ITGA11: variants seen among roughly 807,000 people sequenced by gnomAD.
ITGA11 encodes integrin subunit alpha 11.
ITGA11 carries 97 observed loss-of-function variants against 141.9 expected under a neutral mutation model. The observed-to-expected ratio is 0.68, with a 90% CI of 0.58 to 0.81. The LOEUF is 0.81. ITGA11 is among the 30% of genes least tolerant of loss of function. The pLI is 0.00. For synonymous variants in ITGA11, 658 were observed against 624.6 expected (o/e 1.05, Z -0.80); for missense variants, 1,387 against 1,559.2 (o/e 0.89, Z 1.86).
chr15:68,298,540 C>T lies in ITGA11; in HGVS notation c.*4519G>A, dbSNP rs575860884. On this transcript the variant is annotated 3_prime_UTR_variant, in exon 30 of 30. Coordinates refer to ENST00000315757, the MANE Select transcript of ITGA11 (RefSeq NM_001004439.2). ...ACTCAAGAGGCTGAGGTGGGAGGATCACTGAAGTCCAGGAGGTCGAGGCTG... is the reference window on the plus strand; with the variant it reads ...ACTCAAGAGGCTGAGGTGGGAGGATTACTGAAGTCCAGGAGGTCGAGGCTG... The T allele has an allele frequency of 3.9e-5, 6 of 152,214 alleles. No homozygotes were observed. The highest frequency in any genetic ancestry group is 1.4e-4 in the African/African-American group (6 of 41,514). The allele number at this position is 152,214 out of a possible 1,614,324, so 9.4% of individuals were successfully genotyped here.
Position 68,364,649 on chromosome 15 carries a change from C to T in ITGA11, c.357+58G>A. The T allele has an allele frequency of 5.1e-6, 5 of 981,990 alleles. No individual in the cohort carries two copies. In the South Asian group the frequency reaches 6.7e-5, roughly 13 times the overall value. 60.8% of individuals were successfully genotyped at this position (981,990 alleles called of 1,614,324 possible). A position where few individuals can be genotyped will look rare whatever the true frequency, so the allele number is the denominator to read the frequency against. On this transcript the variant is annotated intron_variant, in intron 4 of 29. Transcript: ENST00000315757. ...GAGGGTGTGTAAGGAGACGCTCCAC[C>T]CCTCCCCACCCCCACCCCTGCCTCT...
chr15:68,304,745 C>G lies in ITGA11; in HGVS notation c.3382-860G>C, dbSNP rs1314824850. 1.3e-5 allele frequency among the ~76,000 whole-genome samples: 2 copies of G among 152,224 alleles called. No homozygotes were observed. Among genetic ancestry groups the G allele is most frequent in the African/African-American group, 4.8e-5 (2 of 41,456 alleles). ...TCTTTCCAGCTCTTTCTCACCTAAG[C>G]AAATGGCAGCACTATCCCTCCGCGC... On this transcript the variant is annotated intron_variant, in intron 28 of 29. Transcript: ENST00000315757. This position sits in a 1 kb window ranked among gnomAD's most constrained non-coding sequence, Gnocchi z 6.1.
intron 15 of ITGA11, among the ~76,000 whole-genome samples, chr15:68,329,846 G>T (rs1894098145): frequency 6.6e-6 from 1 of 152,216 alleles, no homozygotes; most frequent in South Asian, 2.1e-4. Context: ...TAGCTGGGCT[G>T]CACACGCACA....
intron 2 of ITGA11, among the ~76,000 whole-genome samples, chr15:68,396,073 T>C (rs936627674): frequency 3.9e-5 from 6 of 151,970 alleles, no homozygotes; most frequent in African/African-American, 1.4e-4. Context: ...AAAAACTTGA[T>C]AAGGGTATTT....
At position 68,321,400 on chromosome 15, in the gene ITGA11, T is replaced by G; in HGVS notation, c.2408+18A>C. ...GAAGGGGAAGGGGCGAGGGTGGGGGTGGAAGGAGCCAACTCACATGGCCGT... is the reference window on the plus strand; with the variant it reads ...GAAGGGGAAGGGGCGAGGGTGGGGGGGGAAGGAGCCAACTCACATGGCCGT... On this transcript the variant is annotated intron_variant, in intron 19 of 29. Coordinates refer to ENST00000315757, the MANE Select transcript of ITGA11 (RefSeq NM_001004439.2). The surrounding 1 kb of genome is among the most constrained non-coding windows in gnomAD (Gnocchi z 4.9). 1 of 1,523,492 alleles carries G rather than the reference T, an allele frequency of 6.6e-7. No individual in the cohort carries two copies. Among genetic ancestry groups the G allele is most frequent in the South Asian group, 1.2e-5 (1 of 81,020 alleles). 94.4% of individuals were successfully genotyped at this position (1,523,492 alleles called of 1,614,324 possible). A position where few individuals can be genotyped will look rare whatever the true frequency, so the allele number is the denominator to read the frequency against.
chr15:68,368,159 G>A (rs79939978), intron 3 of ITGA11, among the ~76,000 whole-genome samples: 1,839 of 152,126 alleles, frequency 0.012, 28 homozygotes, highest in African/African-American at 0.036. Flanking sequence ...TGCCATTCCC[G>A]CCCAGTGAGA....
At chr15:68,365,698 CTTTTCTT>C (rs141063798) in intron 3 of ITGA11, among the ~76,000 whole-genome samples, 33,285 of 151,276 alleles carry the variant, frequency 0.22, 3,908 homozygotes, top group Non-Finnish European at 0.26. Flanking sequence ...TTTCTTTTCT[CTTTTCTT>C]TTTTTTTAAT....
chr15:68,301,600 G>A lies in ITGA11; in HGVS notation c.*1459C>T, dbSNP rs796945267. 3.3e-4 allele frequency: 51 copies of A among 152,330 alleles called. No homozygotes were observed. Among genetic ancestry groups the A allele is most frequent in the African/African-American group, 1.2e-3 (48 of 41,548 alleles). 9.4% of individuals were successfully genotyped at this position (152,330 alleles called of 1,614,324 possible). On this transcript the variant is annotated 3_prime_UTR_variant, in exon 30 of 30. Transcript: ENST00000315757. The surrounding 1 kb of genome is among the most constrained non-coding windows in gnomAD (Gnocchi z 4.4). Reference sequence around the variant, plus strand: ...AGTCCCTTCTGACATGTAGAGGTAGGGGGGAGGAAGCAAGGAACTCCCTCA... The same window carrying A: ...AGTCCCTTCTGACATGTAGAGGTAGAGGGGAGGAAGCAAGGAACTCCCTCA...
chr15:68,350,328 G>A (rs955437703), intron 9 of ITGA11, among the ~76,000 whole-genome samples: 2 of 151,932 alleles, frequency 1.3e-5, no homozygotes. Flanking sequence ...AGGACTACAG[G>A]CATGTACCAC....
At position 68,303,684 on chromosome 15, in the gene ITGA11, C is replaced by T. The variant is rs966201501; in HGVS notation, c.3495+88G>A. The T allele has an allele frequency of 2.6e-5, 22 of 857,774 alleles. No individual in the cohort carries two copies. Among genetic ancestry groups the T allele is most frequent in the Middle Eastern group, 3.6e-4 (1 of 2,770 alleles). The allele number at this position is 857,774 out of a possible 1,614,324, so 53.1% of individuals were successfully genotyped here. A position where few individuals can be genotyped will look rare whatever the true frequency, so the allele number is the denominator to read the frequency against. ...GTGCCAGCTCCCCTGGAGAGGAGAA[C>T]GTGGCAGCGGCCACGAAGTTCCAGG... On this transcript the variant is annotated intron_variant, in intron 29 of 29. Coordinates refer to ENST00000315757, the MANE Select transcript of ITGA11 (RefSeq NM_001004439.2). The surrounding 1 kb of genome is among the most constrained non-coding windows in gnomAD (Gnocchi z 5.3).
intron 21 of ITGA11, 59 bp downstream of exon 21, chr15:68,317,206 A>C: frequency 2.5e-5 from 32 of 1,261,272 alleles, no homozygotes; most frequent in Non-Finnish European, 3.3e-5. Flanking sequence ...CCCTCCCCAA[A>C]CTACCTGTGC....
At chr15:68,311,446 G>C (rs1303308767) in intron 24 of ITGA11, 43 bp from the exon 25 acceptor site, 3 of 1,414,914 alleles carry the variant, frequency 2.1e-6, no homozygotes, top group South Asian at 1.2e-5. Context: ...TCAGTTGAGG[G>C]GGGTGGAAAA....
Position 68,431,998 on chromosome 15 carries a change from A to G in ITGA11, c.52+17T>C. The G allele has an allele frequency of 7.7e-7, 1 of 1,302,668 alleles. No individual in the cohort carries two copies. Among genetic ancestry groups the G allele is most frequent in the Non-Finnish European group, 9.8e-7 (1 of 1,020,630 alleles). The allele number at this position is 1,302,668 out of a possible 1,614,324, so 80.7% of individuals were successfully genotyped here. On this transcript the variant is annotated intron_variant, in intron 1 of 29. Coordinates refer to ENST00000315757, the MANE Select transcript of ITGA11 (RefSeq NM_001004439.2). ...GGGACTCCGAGAGGCAAGGGGAGGC[A>G]GAGGGTGGGCACCTACCTGGCCACA...
chr15:68,306,090 T>G (rs1197477513), intron 28 of ITGA11, among the ~76,000 whole-genome samples: 1 of 147,708 alleles, frequency 6.8e-6, no homozygotes, highest in Non-Finnish European at 1.5e-5. Flanking sequence ...CCCGGGAGGC[T>G]GAGGCAGGAG....
chr15:68,314,645 C>T (rs549571274), intron 22 of ITGA11, among the ~76,000 whole-genome samples: 1 of 152,312 alleles, frequency 6.6e-6, no homozygotes, highest in African/African-American at 2.4e-5. Flanking sequence ...GCCAGAGACA[C>T]TGCTCTGCAA....
chr15:68,309,977 C>T (rs1453072930), intron 26 of ITGA11, among the ~76,000 whole-genome samples: 1 of 151,982 alleles, frequency 6.6e-6, no homozygotes, highest in Admixed American at 6.6e-5. Context: ...GATTAGCAAA[C>T]CAAAAGAAGT....
intron 3 of ITGA11, among the ~76,000 whole-genome samples, chr15:68,366,613 C>G (rs1424683490): frequency 6.6e-6 from 1 of 152,086 alleles, no homozygotes; most frequent in Non-Finnish European, 1.5e-5. Context: ...AACTGTGCAG[C>G]TGGCTGAGAC....
chr15:68,334,889 G>C (rs1894295767), intron 12 of ITGA11, among the ~76,000 whole-genome samples: 1 of 152,162 alleles, frequency 6.6e-6, no homozygotes, highest in South Asian at 2.1e-4. Context: ...TGGAGGGTGA[G>C]AGCTGAGCTG....
chr15:68,309,362 CA>C (rs764843241), intron 26 of ITGA11, among the ~76,000 whole-genome samples: 14 of 152,302 alleles, frequency 9.2e-5, no homozygotes, highest in East Asian at 1.9e-4. Context: ...GGGAAAATGT[CA>C]CCAGAGACTC....
Sources: gnomAD v4.1 joint callset for allele counts (sites outside exome capture counted in the v4.1 genomes callset) on GRCh38, gnomAD v4.1.1 for gene constraint, Gnocchi (gnomAD v3.1) non-coding constraint, MANE v1.5 for transcripts, NCBI Gene and HGNC (gene_info 2026-07-23, HGNC 2026-07-21) for gene names.